ITPKB: variants seen among roughly 807,000 people sequenced by gnomAD.
The protein encoded by ITPKB is inositol-trisphosphate 3-kinase B.
Under a neutral mutation model 69.4 loss-of-function variants are expected in ITPKB, and 13 were observed. The observed-to-expected ratio is 0.19, with a 90% confidence interval of 0.12 to 0.30. The LOEUF is 0.30. Ranked by LOEUF, ITPKB falls within the 10% of genes least tolerant of loss-of-function variation. ITPKB has a pLI of 1.00. For missense variants in ITPKB, 1,240 were observed against 1,250.5 expected (o/e 0.99, Z 0.13); for synonymous variants, 584 against 513.7 (o/e 1.14, Z -1.85).
In ITPKB at chr1:226,632,214, G is replaced by T. The variant is rs1170094839; in HGVS notation, c.*2457C>A. ...CAGTGCTGAATGCCAGGAACTCGTGGGGCCCCCCGCAGGACAGGGCAAGAG... is the reference window on the plus strand; with the variant it reads ...CAGTGCTGAATGCCAGGAACTCGTGTGGCCCCCCGCAGGACAGGGCAAGAG... On this transcript the variant is annotated 3_prime_UTR_variant, in exon 8 of 8. Coordinates refer to ENST00000429204, the MANE Select transcript of ITPKB (RefSeq NM_002221.4). 6.6e-6 allele frequency: 1 copy of T among 152,590 alleles called. No individual in the cohort carries two copies. Among genetic ancestry groups the T allele is most frequent in the African/African-American group, 2.4e-5 (1 of 41,456 alleles). The allele number at this position is 152,590 out of a possible 1,614,324, so 9.5% of individuals were successfully genotyped here.
intron 2 of ITPKB, among the ~76,000 whole-genome samples, chr1:226,698,524 G>C (rs975718079): frequency 6.6e-6 from 1 of 152,248 alleles, no homozygotes; most frequent in Non-Finnish European, 1.5e-5. Flanking sequence ...GGAAAAGACA[G>C]AGGCCAAGGT....
At chr1:226,706,394 T>C (rs1253675994) in intron 2 of ITPKB, among the ~76,000 whole-genome samples, 1 of 152,204 alleles carries the variant, frequency 6.6e-6, no homozygotes, top group Non-Finnish European at 1.5e-5. Context: ...TTCTAGAATG[T>C]GGGTTTTCTG....
rs1276057030 is a variant in ITPKB at position 226,632,759 on chromosome 1, A to T, written c.*1912T>A. 1 of 152,688 alleles carries T rather than the reference A, an allele frequency of 6.5e-6. No homozygotes were observed. Among genetic ancestry groups the T allele is most frequent in the African/African-American group, 2.4e-5 (1 of 41,476 alleles). 9.5% of individuals were successfully genotyped at this position (152,688 alleles called of 1,614,324 possible). On this transcript the variant is annotated 3_prime_UTR_variant, in exon 8 of 8. Coordinates refer to ENST00000429204, the MANE Select transcript of ITPKB (RefSeq NM_002221.4). The stretch of plus-strand genomic sequence containing the variant: ...AACAGGTCCCCTGTAATTTTTGTTC[A>T]TATCATGATTTGCTTTAGCAAACTT...
At position 226,735,592 on chromosome 1, in the gene ITPKB, G is replaced by T; in HGVS notation, c.1867C>A (p.Pro623Thr). Residue 623 changes from proline to threonine, a missense_variant, in exon 2 of 8, where the codon CCT becomes ACT. Physicochemically the swap from Pro to Thr is conservative, Grantham distance 38. This residue lies in a region of ITPKB where 992 missense variants were observed against 853.8 expected (regional missense o/e 1.16). Transcript: ENST00000429204. ...GAGTTGGGGTCCAGGGTGCGCTCAG[G>T]GTCACTGGAGATGTCCTCCTCTGAG... The part of the protein sequence containing the change: ...EDSEEDISSD[P>T]ERTLDPNSAF... 3 of 1,595,002 alleles carry T rather than the reference G, an allele frequency of 1.9e-6. No homozygotes were observed. Among genetic ancestry groups the T allele is most frequent in the Non-Finnish European group, 2.6e-6 (3 of 1,170,720 alleles).
intron 2 of ITPKB, among the ~76,000 whole-genome samples, chr1:226,683,179 C>T (rs772713150): frequency 1.6e-4 from 24 of 152,226 alleles, no homozygotes; most frequent in Non-Finnish European, 4.4e-5. Flanking sequence ...TGACAACTGT[C>T]CCAAGGCAGA....
chr1:226,657,971 C>T (rs147477878), intron 2 of ITPKB, among the ~76,000 whole-genome samples: 46 of 152,328 alleles, frequency 3.0e-4, no homozygotes, highest in Middle Eastern at 6.8e-3. Context: ...AGTCTGTTCC[C>T]AGAACGTCCT....
chr1:226,645,932 G>T (rs929004922), intron 4 of ITPKB, among the ~76,000 whole-genome samples: 1 of 152,126 alleles, frequency 6.6e-6, no homozygotes, highest in Non-Finnish European at 1.5e-5. Flanking sequence ...TCAGTGGCAG[G>T]GTGTGATTTT....
intron 2 of ITPKB, among the ~76,000 whole-genome samples, chr1:226,706,959 G>A (rs1296714431): frequency 6.6e-6 from 1 of 151,996 alleles, no homozygotes; most frequent in African/African-American, 2.4e-5. Context: ...CTCAAAAAGG[G>A]GTTTCCAAAA....
At chr1:226,661,032 A>T (rs938253806) in intron 2 of ITPKB, among the ~76,000 whole-genome samples, 1 of 152,222 alleles carries the variant, frequency 6.6e-6, no homozygotes, top group Non-Finnish European at 1.5e-5. Flanking sequence ...AAAGGCCTTC[A>T]CTGATCGGCA....
chr1:226,736,844 C>A lies in ITPKB; in HGVS notation c.615G>T (p.Trp205Cys), dbSNP rs534663523. The change falls in exon 2 of 8, where the codon TGG becomes TGT. Residue 205 changes from tryptophan (W) to cysteine (C), a missense_variant. By Grantham distance (215) the Trp-to-Cys change is radical. Around this residue, in one of 2 missense-constraint regions of ITPKB, gnomAD observed 992 missense variants for 853.8 expected, o/e 1.16. Coordinates refer to ENST00000429204, the MANE Select transcript of ITPKB (RefSeq NM_002221.4). ...CTGAAGTCTCTGGACATTGCTCCCC[C>A]CAGGACTTTGTCCTCCGTTCCTCGC... ...ARSEERRTKS[W>C]GEQCPETSGT... is the part of the protein sequence containing the mutation. 3.7e-6 allele frequency: 6 copies of A among 1,612,498 alleles called. No homozygotes were observed. Among genetic ancestry groups the A allele is most frequent in the Middle Eastern group, 1.6e-4 (1 of 6,062 alleles).
intron 2 of ITPKB, among the ~76,000 whole-genome samples, chr1:226,723,361 C>T (rs1190452144): frequency 6.6e-6 from 1 of 152,148 alleles, no homozygotes; most frequent in Non-Finnish European, 1.5e-5. Context: ...TGTGAATGGA[C>T]ACGTGACGGG....
intron 2 of ITPKB, among the ~76,000 whole-genome samples, chr1:226,688,897 C>G (rs1214865373): frequency 6.6e-6 from 1 of 152,178 alleles, no homozygotes; most frequent in Admixed American, 6.5e-5. Flanking sequence ...TTACCAACCA[C>G]TCCATTTTCC....
chr1:226,696,011 A>G (rs1324690478), intron 2 of ITPKB, among the ~76,000 whole-genome samples: 1 of 152,202 alleles, frequency 6.6e-6, no homozygotes, highest in Non-Finnish European at 1.5e-5. Context: ...ATTCACTTAC[A>G]TGCTATGCTG....
intron 2 of ITPKB, among the ~76,000 whole-genome samples, chr1:226,690,281 C>T (rs538671119): frequency 1.7e-4 from 26 of 152,248 alleles, no homozygotes; most frequent in African/African-American, 6.0e-4. Context: ...TGAATACATA[C>T]CATCAGCCAG....
At chr1:226,735,019 G>A (rs1657702795) in intron 2 of ITPKB, among the ~76,000 whole-genome samples, 1 of 152,168 alleles carries the variant, frequency 6.6e-6, no homozygotes, top group African/African-American at 2.4e-5. Context: ...CACATCTACA[G>A]GTTTCAGGGT....
intron 2 of ITPKB, among the ~76,000 whole-genome samples, chr1:226,696,788 C>A (rs545136495): frequency 6.6e-6 from 1 of 152,320 alleles, no homozygotes; most frequent in Admixed American, 6.5e-5. Flanking sequence ...CTGAGAATCT[C>A]AGAGCTGAGA....
rs1571848871 is a variant in ITPKB, at chr1:226,666,536, C to T, written c.1933-17765G>A. ...GACCATGCTGAACATATGAGGATCA[C>T]AAATTCCATGGGAGACCCTAAGATC... On this transcript the variant is annotated intron_variant, in intron 2 of 7. Transcript: ENST00000429204. 2.6e-5 allele frequency among the ~76,000 whole-genome samples: 4 copies of T among 151,816 alleles called. No homozygotes were observed. In the East Asian group the frequency reaches 5.8e-4, roughly 22 times the overall value.
intron 2 of ITPKB, among the ~76,000 whole-genome samples, chr1:226,702,288 T>A (rs557593327): frequency 6.6e-6 from 1 of 151,260 alleles, no homozygotes; most frequent in Non-Finnish European, 1.5e-5. Context: ...TCCCAGCTAC[T>A]CGGGAGACTG....
intron 2 of ITPKB, among the ~76,000 whole-genome samples, chr1:226,651,559 G>A (rs969806791): frequency 2.0e-5 from 3 of 152,158 alleles, no homozygotes; most frequent in African/African-American, 7.2e-5. Flanking sequence ...CCTAGGTTCT[G>A]AACAATAAAG....
Sources: allele counts gnomAD v4.1 joint callset (sites outside exome capture counted in the v4.1 genomes callset), GRCh38; gene constraint gnomAD v4.1.1; regional missense constraint gnomAD v4.1.1; transcripts MANE v1.5; gene names NCBI Gene and HGNC (gene_info 2026-07-23, HGNC 2026-07-21).